The following SMARCB1 variants were observed in gnomAD, a reference collection of about 807,000 sequenced individuals.
SMARCB1 encodes the protein SWI/SNF-related matrix-associated actin-dependent regulator of chromatin subfamily B member 1.
SMARCB1 carries 5 observed loss-of-function variants against 49.0 expected under a neutral mutation model. That is an observed-to-expected ratio of 0.10 (90% CI 0.05 to 0.21). The LOEUF (loss-of-function observed/expected upper bound fraction) is 0.21. Among genes scored for constraint, SMARCB1 ranks in the 10% least tolerant of loss-of-function variants. The pLI is 1.00. For synonymous variants in SMARCB1, 201 were observed against 200.1 expected (o/e 1.00, Z -0.04); for missense variants, 226 against 509.2 (o/e 0.44, Z 5.35).
chr22:23,806,427 A>G (rs1929502896), intron 5 of SMARCB1, among the ~76,000 whole-genome samples: 1 of 152,112 alleles, frequency 6.6e-6, no homozygotes, highest in Non-Finnish European at 1.5e-5. Context: ...ACTCTTCCTC[A>G]GCTCTGGGTG....
In SMARCB1 at chr22:23,787,153, C is replaced by A. The variant is rs372777519; in HGVS notation, c.-17C>A. The A allele has an allele frequency of 6.3e-7, 1 of 1,582,096 alleles. No individual in the cohort carries two copies. ...TCCCTCGCAGCCCGGCTCCGGCCGC[C>A]CGCCTCTGCCGCCGCAATGATGATG... On this transcript the variant is annotated 5_prime_UTR_variant, in exon 1 of 9. Coordinates refer to ENST00000644036, the MANE Select transcript of SMARCB1 (RefSeq NM_003073.5).
rs115165904 is a variant in SMARCB1, at chr22:23,835,385, T to C, written c.*1205T>C. On this transcript the variant is annotated 3_prime_UTR_variant, in exon 9 of 9. Transcript: ENST00000644036. Reference sequence around the variant, plus strand: ...CACCCTCAGCTGTTGGCAGGTCCCATGCTGCCAGGGCAGGGCTAGGGTCAG... The same window carrying C: ...CACCCTCAGCTGTTGGCAGGTCCCACGCTGCCAGGGCAGGGCTAGGGTCAG... 3,039 of 988,794 alleles carry C rather than the reference T, an allele frequency of 3.1e-3. 78 individuals are homozygous for C. The African/African-American group carries it at 0.049, about 16-fold the overall frequency. The allele number at this position is 988,794 out of a possible 1,614,324, so 61.3% of individuals were successfully genotyped here.
At position 23,837,947 on chromosome 22, in the gene SMARCB1, C is replaced by G; in HGVS notation, c.*3767C>G. 7.5e-7 allele frequency: 1 copy of G among 1,331,926 alleles called. No homozygotes were observed. The highest frequency in any genetic ancestry group is 1.0e-6 in the Non-Finnish European group (1 of 984,112). 82.5% of individuals were successfully genotyped at this position (1,331,926 alleles called of 1,614,324 possible). Reference sequence around the variant, plus strand: ...GACCCTGGAATTCTTCCCCTCATCTCCCCTATGTGCTATTCCCTCATCAAG... The same window carrying G: ...GACCCTGGAATTCTTCCCCTCATCTGCCCTATGTGCTATTCCCTCATCAAG... On this transcript the variant is annotated 3_prime_UTR_variant, in exon 9 of 9. Coordinates refer to ENST00000644036, the MANE Select transcript of SMARCB1 (RefSeq NM_003073.5).
intron 5 of SMARCB1, among the ~76,000 whole-genome samples, chr22:23,804,606 C>T (rs553410096): frequency 6.6e-6 from 1 of 152,246 alleles, no homozygotes; most frequent in South Asian, 2.1e-4. Flanking sequence ...TGCGGTGGCA[C>T]GATCTCGGCT....
Position 23,835,857 on chromosome 22 carries a change from TG to T in SMARCB1, c.*1680del. 1.0e-6 allele frequency: 1 copy of T among 982,322 alleles called. No individual in the cohort carries two copies. Among genetic ancestry groups the T allele is most frequent in the South Asian group, 4.8e-5 (1 of 20,832 alleles). 60.9% of individuals were successfully genotyped at this position (982,322 alleles called of 1,614,324 possible). The stretch of plus-strand genomic sequence containing the variant: ...CCTGGCTGGGAGGTGCCGGGAAGGC[TG>T]GGCCCTCACTCCTGACCGCCAGCTC... On this transcript the variant is annotated 3_prime_UTR_variant, in exon 9 of 9. Transcript: ENST00000644036.
chr22:23,810,984 C>T (rs1170532400), intron 5 of SMARCB1, among the ~76,000 whole-genome samples: 2 of 148,952 alleles, frequency 1.3e-5, no homozygotes, highest in Admixed American at 6.7e-5. Context: ...TTGTGTTGAG[C>T]TGAGATGACA....
chr22:23,801,894 C>A (rs34000120), intron 4 of SMARCB1: 2 of 169,012 alleles, frequency 1.2e-5, no homozygotes, highest in East Asian at 1.6e-4. Context: ...CCCTCACCCC[C>A]TCAGCCTCAT....
Position 23,837,076 on chromosome 22 carries a change from G to C in SMARCB1, c.*2896G>C, listed in dbSNP as rs375769198. On this transcript the variant is annotated 3_prime_UTR_variant, in exon 9 of 9. Transcript: ENST00000644036. ...TCTCAACACTCACAGGAAGCCAGGGGTCTGCAGGAGCCTCTTGCCTCCAGG... is the reference window on the plus strand; with the variant it reads ...TCTCAACACTCACAGGAAGCCAGGGCTCTGCAGGAGCCTCTTGCCTCCAGG... 66 of 1,613,814 alleles carry C rather than the reference G, an allele frequency of 4.1e-5. No homozygotes were observed. Among genetic ancestry groups the C allele is most frequent in the Non-Finnish European group, 5.5e-5 (65 of 1,179,924 alleles).
chr22:23,837,944 T>C lies in SMARCB1; in HGVS notation c.*3764T>C. 7.4e-7 allele frequency: 1 copy of C among 1,346,876 alleles called. No homozygotes were observed. Among genetic ancestry groups the C allele is most frequent in the East Asian group, 2.5e-5 (1 of 40,212 alleles). The allele number at this position is 1,346,876 out of a possible 1,614,324, so 83.4% of individuals were successfully genotyped here. A position where few individuals can be genotyped will look rare whatever the true frequency, so the allele number is the denominator to read the frequency against. ...CAAGACCCTGGAATTCTTCCCCTCA[T>C]CTCCCCTATGTGCTATTCCCTCATC... On this transcript the variant is annotated 3_prime_UTR_variant, in exon 9 of 9. Coordinates refer to ENST00000644036, the MANE Select transcript of SMARCB1 (RefSeq NM_003073.5).
rs2031002530 is a variant in SMARCB1, at chr22:23,835,829, C to T, written c.*1649C>T. The T allele has an allele frequency of 1.0e-6, 1 of 985,260 alleles. No homozygotes were observed. 61.0% of individuals were successfully genotyped at this position (985,260 alleles called of 1,614,324 possible). On this transcript the variant is annotated 3_prime_UTR_variant, in exon 9 of 9. Coordinates refer to ENST00000644036, the MANE Select transcript of SMARCB1 (RefSeq NM_003073.5). The stretch of plus-strand genomic sequence containing the variant: ...GCCTCACCCCACAGGTCGGGCAGGG[C>T]CACCTGGCTGGGAGGTGCCGGGAAG...
At position 23,835,294 on chromosome 22, in the gene SMARCB1, G is replaced by A. The variant is rs1052411550; in HGVS notation, c.*1114G>A. 44 of 1,050,298 alleles carry A rather than the reference G, an allele frequency of 4.2e-5. No individual in the cohort carries two copies. The highest frequency in any genetic ancestry group is 8.7e-5 in the South Asian group (2 of 22,944). 65.1% of individuals were successfully genotyped at this position (1,050,298 alleles called of 1,614,324 possible). A position where few individuals can be genotyped will look rare whatever the true frequency, so the allele number is the denominator to read the frequency against. ...ATCTGGGAGGGCAGCAAACTGGCTC[G>A]CAGCTCCAGCCTTACTGAAGAGAAT... is the stretch of plus-strand genomic sequence containing the variant. On this transcript the variant is annotated 3_prime_UTR_variant, in exon 9 of 9. Transcript: ENST00000644036.
intron 1 of SMARCB1, among the ~76,000 whole-genome samples, chr22:23,790,889 A>G (rs1928336809): frequency 6.6e-6 from 1 of 152,178 alleles, no homozygotes; most frequent in Admixed American, 6.6e-5. Context: ...AAAATGCAAA[A>G]TATATACTAT....
intron 7 of SMARCB1, among the ~76,000 whole-genome samples, chr22:23,829,064 C>G (rs1227619713): frequency 6.6e-6 from 1 of 152,202 alleles, no homozygotes; most frequent in African/African-American, 2.4e-5. Context: ...GGAGACAGGG[C>G]TCAAGGGGAA....
chr22:23,820,506 G>A (rs1028590486), intron 6 of SMARCB1, among the ~76,000 whole-genome samples: 11 of 152,306 alleles, frequency 7.2e-5, no homozygotes, highest in Middle Eastern at 3.4e-3. Flanking sequence ...CCCGGGAGGC[G>A]GAGGTTGCAG....
At chr22:23,790,197 AG>A (rs1181259711) in intron 1 of SMARCB1, among the ~76,000 whole-genome samples, 1 of 152,038 alleles carries the variant, frequency 6.6e-6, no homozygotes, top group Non-Finnish European at 1.5e-5. Flanking sequence ...AGGTAGTCAT[AG>A]GGGGGAGTAT....
At chr22:23,789,617 A>G (rs971484948) in intron 1 of SMARCB1, among the ~76,000 whole-genome samples, 3 of 152,224 alleles carry the variant, frequency 2.0e-5, no homozygotes, top group Non-Finnish European at 4.4e-5. Context: ...AAAGCTAATT[A>G]CAGTCTTGTC....
chr22:23,829,535 A>T (rs962238388), intron 7 of SMARCB1, among the ~76,000 whole-genome samples: 13 of 152,146 alleles, frequency 8.5e-5, no homozygotes, highest in African/African-American at 2.9e-4. Context: ...TGTCCCTCTG[A>T]TGGCACAGCA....
intron 5 of SMARCB1, among the ~76,000 whole-genome samples, chr22:23,808,993 C>T (rs1246901067): frequency 6.6e-6 from 1 of 151,500 alleles, no homozygotes; most frequent in Non-Finnish European, 1.5e-5. Flanking sequence ...CCACTGTGCT[C>T]GGCCAATTTT....
intron 5 of SMARCB1, chr22:23,804,089 T>A (rs1228002613): frequency 1.3e-5 from 2 of 152,590 alleles, no homozygotes; most frequent in Non-Finnish European, 2.9e-5. Context: ...ACTGTTTTTT[T>A]AGATCTTGTT....
Sources: gnomAD v4.1 joint callset for allele counts (sites outside exome capture counted in the v4.1 genomes callset) on GRCh38, gnomAD v4.1.1 for gene constraint, MANE v1.5 for transcripts, NCBI Gene and HGNC (gene_info 2026-07-23, HGNC 2026-07-21) for gene names.